DGKB: variants seen among roughly 807,000 people sequenced by gnomAD.
DGKB encodes diacylglycerol kinase beta.
A neutral mutation model predicts 114.3 loss-of-function variants in DGKB; 67 were observed. The ratio of observed to expected loss-of-function variants is 0.59; its 90% CI spans 0.48 to 0.72. The LOEUF is 0.72. DGKB is among the 30% of genes least tolerant of loss of function. DGKB has a pLI of 0.00. For synonymous variants in DGKB, 398 were observed against 323.1 expected (o/e 1.23, Z -2.49); for missense variants, 907 against 975.2 (o/e 0.93, Z 0.93).
intron 1 of DGKB, among the ~76,000 whole-genome samples, chr7:14,959,105 C>T (rs1202636361): frequency 2.0e-5 from 3 of 151,938 alleles, no homozygotes; most frequent in East Asian, 3.9e-4. Context: ...TTGGATAAAG[C>T]GTGACATCTT....
intron 20 of DGKB, among the ~76,000 whole-genome samples, chr7:14,503,203 TATTA>T (rs1170019074): frequency 6.6e-6 from 1 of 152,164 alleles, no homozygotes; most frequent in African/African-American, 2.4e-5. Context: ...ATCTACCTGA[TATTA>T]ATTTTTCTTA....
At chr7:14,591,716 C>G (rs1031701167) in intron 17 of DGKB, among the ~76,000 whole-genome samples, 2 of 151,726 alleles carry the variant, frequency 1.3e-5, no homozygotes, top group African/African-American at 2.4e-5. Context: ...ATTGTTCTTA[C>G]CACAACCACA....
At chr7:14,857,426 CT>C (rs1562736548) in intron 1 of DGKB, among the ~76,000 whole-genome samples, 1 of 151,956 alleles carries the variant, frequency 6.6e-6, no homozygotes, top group East Asian at 1.9e-4. Flanking sequence ...CGATTTCAAC[CT>C]TGTGAGACGT....
chr7:14,926,386 G>A lies in DGKB; in HGVS notation c.-188+48310C>T, dbSNP rs577365237. Among the ~76,000 whole-genome samples, 222 of 151,672 alleles carry A rather than the reference G, an allele frequency of 1.5e-3. 1 individual carries two copies. Among genetic ancestry groups the A allele is most frequent in the African/African-American group, 5.2e-3 (216 of 41,434 alleles). On this transcript the variant is annotated intron_variant, in intron 1 of 4. Coordinates refer to the DGKB transcript ENST00000437998. ...ATGAGTCATTTTTGATTGAATATTC[G>A]AATGTTTCATTTTTCAAGTCCTGCT...
At chr7:14,821,148 T>C (rs1420882128) in intron 2 of DGKB, among the ~76,000 whole-genome samples, 3 of 152,186 alleles carry the variant, frequency 2.0e-5, no homozygotes, top group African/African-American at 7.2e-5. Flanking sequence ...GAAGAGTTTA[T>C]TTTTGTATCG....
chr7:14,233,949 A>G (rs1350309225), intron 23 of DGKB, among the ~76,000 whole-genome samples: 3 of 152,046 alleles, frequency 2.0e-5, no homozygotes, highest in Admixed American at 6.6e-5. Flanking sequence ...GGCAGTTTTA[A>G]CCCTAAAGCT....
intron 4 of DGKB, chr7:14,750,084 A>T (rs868314596): frequency 3.9e-6 from 2 of 513,986 alleles, no homozygotes; most frequent in South Asian, 1.4e-5. Flanking sequence ...TCATTTAGTC[A>T]TCACAAAACC....
chr7:14,510,077 G>C (rs1012925305), intron 20 of DGKB, among the ~76,000 whole-genome samples: 1 of 152,164 alleles, frequency 6.6e-6, no homozygotes, highest in Non-Finnish European at 1.5e-5. Context: ...TCGGGAGGCT[G>C]AGGCGGGGAT....
intron 2 of DGKB, among the ~76,000 whole-genome samples, chr7:14,840,744 A>ATC (rs1847822035): frequency 8.6e-6 from 1 of 116,238 alleles, no homozygotes; most frequent in Non-Finnish European, 1.8e-5. Context: ...ACACACACAC[A>ATC]CCTCTCCCTT....
At chr7:14,618,616 G>A (rs968521330) in intron 15 of DGKB, among the ~76,000 whole-genome samples, 1 of 151,506 alleles carries the variant, frequency 6.6e-6, no homozygotes, top group African/African-American at 2.4e-5. Flanking sequence ...CCTATGGTGT[G>A]AGCGATGACA....
At chr7:14,890,982 A>G (rs908092279) in intron 1 of DGKB, among the ~76,000 whole-genome samples, 5 of 151,472 alleles carry the variant, frequency 3.3e-5, no homozygotes, top group Admixed American at 6.6e-5. Flanking sequence ...TCAAAATAGA[A>G]TAACATTATT....
chr7:14,826,259 T>C (rs1845699840), intron 2 of DGKB, among the ~76,000 whole-genome samples: 1 of 152,138 alleles, frequency 6.6e-6, no homozygotes, highest in Non-Finnish European at 1.5e-5. Context: ...AATTATTCCG[T>C]GGGACTCTCG....
chr7:14,450,513 G>A (rs1831330264), intron 21 of DGKB, among the ~76,000 whole-genome samples: 1 of 152,048 alleles, frequency 6.6e-6, no homozygotes, highest in Non-Finnish European at 1.5e-5. Context: ...GGAGGTGGGT[G>A]GCAAAGCCCA....
At chr7:14,346,640 G>C (rs1337344044) in intron 21 of DGKB, among the ~76,000 whole-genome samples, 1 of 151,934 alleles carries the variant, frequency 6.6e-6, no homozygotes, top group African/African-American at 2.4e-5. Context: ...ACAGATGATA[G>C]TGAAGTAGGT....
chr7:14,494,827 C>A (rs540369215), intron 20 of DGKB, among the ~76,000 whole-genome samples: 3 of 151,756 alleles, frequency 2.0e-5, no homozygotes, highest in African/African-American at 7.3e-5. Flanking sequence ...TTCACTCTAA[C>A]GTGAAATTTA....
At chr7:14,262,422 G>A (rs1299844553) in intron 23 of DGKB, among the ~76,000 whole-genome samples, 1 of 152,134 alleles carries the variant, frequency 6.6e-6, no homozygotes, top group African/African-American at 2.4e-5. Context: ...ACTTTGTGAG[G>A]ACACAATGAA....
intron 2 of DGKB, among the ~76,000 whole-genome samples, chr7:14,798,582 T>C (rs142283504): frequency 1.3e-5 from 2 of 152,316 alleles, no homozygotes; most frequent in East Asian, 1.9e-4. Context: ...GAGTTTTCCC[T>C]TGGTCCCTAC....
chr7:14,654,101 C>G (rs897267436), intron 13 of DGKB, among the ~76,000 whole-genome samples: 2 of 151,974 alleles, frequency 1.3e-5, no homozygotes, highest in African/African-American at 4.8e-5. Context: ...ACTTATCCCT[C>G]CTTGTAAATG....
intron 21 of DGKB, among the ~76,000 whole-genome samples, chr7:14,384,766 C>G (rs930246308): frequency 2.0e-5 from 3 of 152,136 alleles, no homozygotes; most frequent in Non-Finnish European, 4.4e-5. Context: ...ATGTAGAGAC[C>G]TTTTTAGTTG....
Sources: gnomAD v4.1 joint callset for allele counts (sites outside exome capture counted in the v4.1 genomes callset) on GRCh38, gnomAD v4.1.1 for gene constraint, MANE v1.5 for transcripts, NCBI Gene and HGNC (gene_info 2026-07-23, HGNC 2026-07-21) for gene names.